DMD: variants seen among roughly 807,000 people sequenced by gnomAD.
The protein encoded by DMD is dystrophin, also known as mutant dystrophin.
A neutral mutation model predicts 330.1 loss-of-function variants in DMD; 63 were observed. The ratio of observed to expected loss-of-function variants is 0.19; its 90% CI spans 0.16 to 0.24. DMD has a LOEUF of 0.24. Ranked by LOEUF, DMD falls within the 10% of genes least tolerant of loss-of-function variation. DMD has a pLI of 1.00. For synonymous variants in DMD, 1,223 were observed against 959.8 expected (o/e 1.27, Z -5.07); for missense variants, 3,344 against 2,684.1 (o/e 1.25, Z -5.43).
chrX:31,257,377 T>G (rs746830169), intron 63 of DMD, among the ~76,000 whole-genome samples: 4 of 108,524 alleles, frequency 3.7e-5, no homozygotes, highest in Non-Finnish European at 5.7e-5. Context: ...TCTTAAACAT[T>G]TGACACGCCA....
intron 54 of DMD, among the ~76,000 whole-genome samples, chrX:31,646,176 A>G (rs1197972897): frequency 9.0e-6 from 1 of 111,398 alleles, no homozygotes; most frequent in Non-Finnish European, 1.9e-5. Flanking sequence ...GGACTAGGTT[A>G]TATGCTTAAA....
intron 55 of DMD, among the ~76,000 whole-genome samples, chrX:31,552,118 A>G: frequency 8.9e-6 from 1 of 111,945 alleles, no homozygotes; most frequent in South Asian, 3.7e-4. Context: ...CCCAGGAACA[A>G]TTGCGCAAAT....
chrX:32,182,074 G>T (rs1408227379), intron 44 of DMD, among the ~76,000 whole-genome samples: 1 of 112,119 alleles, frequency 8.9e-6, no homozygotes, highest in African/African-American at 3.2e-5. Flanking sequence ...CCTAAAATGG[G>T]AGGCCTGTCA....
intron 2 of DMD, among the ~76,000 whole-genome samples, chrX:33,000,676 G>C (rs1413022335): frequency 1.8e-5 from 2 of 112,393 alleles, no homozygotes; most frequent in African/African-American, 6.5e-5. Context: ...ACGGAATTTA[G>C]AGAGGTGGTA....
intron 30 of DMD, among the ~76,000 whole-genome samples, chrX:32,398,407 G>A (rs2098061619): frequency 9.1e-6 from 1 of 110,115 alleles, no homozygotes; most frequent in South Asian, 3.9e-4. Context: ...ATTGTTCCTT[G>A]ACATATGAGT....
At chrX:32,785,734 A>C (rs2075297100) in intron 7 of DMD, among the ~76,000 whole-genome samples, 1 of 111,119 alleles carries the variant, frequency 9.0e-6, no homozygotes, top group Non-Finnish European at 1.9e-5. Flanking sequence ...TTTCACATGC[A>C]GTTTGTTGGT....
At chrX:33,076,059 G>A (rs2094836076) in intron 1 of DMD, among the ~76,000 whole-genome samples, 1 of 111,426 alleles carries the variant, frequency 9.0e-6, no homozygotes, top group South Asian at 3.8e-4. Flanking sequence ...GAGACGTTTT[G>A]CAGACCCTGC....
At chrX:31,293,163 GGTGT>G (rs762778210) in intron 62 of DMD, among the ~76,000 whole-genome samples, 32 of 70,544 alleles carry the variant, frequency 4.5e-4, no homozygotes, top group East Asian at 3.0e-3. Flanking sequence ...CCCCCAACCC[GGTGT>G]GTGTGTGTGT....
intron 9 of DMD, among the ~76,000 whole-genome samples, chrX:32,653,189 C>G (rs191137238): frequency 8.9e-6 from 1 of 111,802 alleles, no homozygotes; most frequent in Non-Finnish European, 1.9e-5. Flanking sequence ...AATTTTGACT[C>G]TTGTTGCCAT....
intron 42 of DMD, among the ~76,000 whole-genome samples, chrX:32,309,574 C>A (rs1248903539): frequency 9.0e-6 from 1 of 110,776 alleles, no homozygotes; most frequent in Non-Finnish European, 1.9e-5. Context: ...CTTTAACTGG[C>A]AGTTATAAAG....
chrX:31,195,663 G>A (rs751053347), intron 67 of DMD, among the ~76,000 whole-genome samples: 40 of 108,817 alleles, frequency 3.7e-4, no homozygotes, highest in African/African-American at 1.3e-3. Context: ...AGATGATACA[G>A]CATGATGGAA....
At chrX:32,117,329 T>C (rs990662120) in intron 44 of DMD, among the ~76,000 whole-genome samples, 5 of 111,392 alleles carry the variant, frequency 4.5e-5, no homozygotes, top group Admixed American at 2.9e-4. Context: ...ATATGATTAA[T>C]AAAAATATGT....
Position 32,880,929 on chromosome X carries a change from A to T in DMD, c.94-31109T>A, listed in dbSNP as rs767186406. On this transcript the variant is annotated intron_variant, in intron 2 of 78. Transcript: ENST00000357033. ...ATCGCACTCCAGCCTGGGCAACGAC[A>T]GCAAAACTCCATCTCAAAAAAAAGA... Among the ~76,000 whole-genome samples, 205 of 113,107 alleles carry T rather than the reference A, an allele frequency of 1.8e-3. 1 individual carries two copies. The highest frequency in any genetic ancestry group is 3.1e-3 in the Non-Finnish European group (163 of 53,382).
chrX:32,423,232 T>TC (rs2098197760), intron 29 of DMD, among the ~76,000 whole-genome samples: 1 of 108,080 alleles, frequency 9.3e-6, no homozygotes, highest in African/African-American at 3.3e-5. Context: ...TTATTCTTTT[T>TC]TTTTTTTTTT....
At chrX:31,169,148 A>G (rs1224292439) in intron 74 of DMD, among the ~76,000 whole-genome samples, 1 of 111,384 alleles carries the variant, frequency 9.0e-6, no homozygotes, top group Non-Finnish European at 1.9e-5. Context: ...CTTAAATTCT[A>G]TTCTGAAATA....
chrX:31,366,531 A>C (rs1441808489), intron 60 of DMD, among the ~76,000 whole-genome samples: 1 of 102,469 alleles, frequency 9.8e-6, no homozygotes, highest in Non-Finnish European at 2.0e-5. Flanking sequence ...AAAAAGATAA[A>C]AGAAAAAAAA....
chrX:32,392,472 A>G (rs2098010685), intron 30 of DMD, among the ~76,000 whole-genome samples: 1 of 110,470 alleles, frequency 9.1e-6, no homozygotes, highest in Non-Finnish European at 1.9e-5. Flanking sequence ...GTTGGTCAGG[A>G]TGGTCTCGAA....
chrX:31,557,001 C>G (rs893845232), intron 55 of DMD, among the ~76,000 whole-genome samples: 13 of 112,224 alleles, frequency 1.2e-4, no homozygotes, highest in African/African-American at 3.6e-4. Flanking sequence ...ATGAAAAATA[C>G]ATTCTCAGGA....
chrX:31,696,246 T>C (rs888184324), intron 52 of DMD, among the ~76,000 whole-genome samples: 2 of 111,491 alleles, frequency 1.8e-5, no homozygotes, highest in Non-Finnish European at 3.8e-5. Context: ...CAATTTCTCA[T>C]CTATATCAAC....
Sources: allele counts gnomAD v4.1 joint callset (sites outside exome capture counted in the v4.1 genomes callset), GRCh38; gene constraint gnomAD v4.1.1; transcripts MANE v1.5; gene names NCBI Gene and HGNC (gene_info 2026-07-23, HGNC 2026-07-21).